Variants in NCOR2 observed in about 807,000 individuals in gnomAD.
The protein encoded by NCOR2 is nuclear receptor corepressor 2.
In NCOR2, 81 loss-of-function variants were observed where a neutral mutation model predicts 262.9. The ratio of observed to expected loss-of-function variants is 0.31; its 90% CI spans 0.26 to 0.37. The LOEUF (loss-of-function observed/expected upper bound fraction) is 0.37. Among genes scored for constraint, NCOR2 ranks in the 10% least tolerant of loss-of-function variants. NCOR2 has a pLI of 1.00. For synonymous variants in NCOR2, 1,659 were observed against 1,559.3 expected, an observed-to-expected ratio of 1.06 and a Z score of -1.51; for missense variants, 3,385 against 3,621.4, an observed-to-expected ratio of 0.93 and a Z score of 1.68.
intron 3 of NCOR2, among the ~76,000 whole-genome samples, chr12:124,480,888 G>A (rs2047426357): frequency 6.7e-6 from 1 of 148,822 alleles, no homozygotes; most frequent in African/African-American, 2.5e-5. Flanking sequence ...ATGGGGGAGG[G>A]GCAAGGCCAC....
rs111596908 is a variant in NCOR2 at position 124,504,460 on chromosome 12, G to C, written c.-117-9092C>G. ...CGGGTGGGAATGTCAGATGTGCAGT[G>C]CAGCCACTGTGGAAAACAGTCACTA... On this transcript the variant is annotated intron_variant, in intron 1 of 46. Transcript: ENST00000404621. The surrounding 1 kb of genome is among the most constrained non-coding windows in gnomAD (Gnocchi z 4.5). Among the ~76,000 whole-genome samples, 3 of 152,162 alleles carry C rather than the reference G, an allele frequency of 2.0e-5. No individual in the cohort carries two copies. The highest frequency in any genetic ancestry group is 2.0e-4 in the Admixed American group (3 of 15,286).
exon 20 of NCOR2, chr12:124,372,086 T>A: frequency 3.7e-6 from 6 of 1,603,970 alleles, no homozygotes; most frequent in Non-Finnish European, 5.1e-6. Context: ...CTGGAGTCGC[T>A]GTCCTGGGGG....
At position 124,335,201 on chromosome 12, in the gene NCOR2, C is replaced by CGGGCT. The variant is rs1566356620; in HGVS notation, c.6340_6344dup (p.Leu2116AlafsTer115). 1 of 1,611,128 alleles carries CGGGCT rather than the reference C, an allele frequency of 6.2e-7. No homozygotes were observed. The highest frequency in any genetic ancestry group is 2.2e-5 in the East Asian group (1 of 44,874). On this transcript the variant is annotated frameshift_variant, in exon 40 of 47. Transcript: ENST00000405201. LOFTEE classifies it high-confidence loss of function. ...TGACCCCTGGGGCGGTCTGGAGCAGCGGGCTGGACGAGGGCTGGCTCTCAG... is the reference window on the plus strand; with the variant it reads ...TGACCCCTGGGGCGGTCTGGAGCAGCGGGCTGGGCTGGACGAGGGCTGGCTCTCAG...
At chr12:124,535,167 G>A (rs1369498442) in intron 1 of NCOR2, among the ~76,000 whole-genome samples, 1 of 152,180 alleles carries the variant, frequency 6.6e-6, no homozygotes, top group Admixed American at 6.5e-5. Flanking sequence ...CCCAACACCC[G>A]AACACCTGGG....
chr12:124,465,284 G>A (rs2046362031), intron 5 of NCOR2, among the ~76,000 whole-genome samples: 1 of 151,976 alleles, frequency 6.6e-6, no homozygotes, highest in African/African-American at 2.4e-5. Context: ...CAGAAAATAA[G>A]GGAGGGGATC....
chr12:124,329,483 A>C (rs1397445002), intron 44 of NCOR2, among the ~76,000 whole-genome samples: 1 of 151,912 alleles, frequency 6.6e-6, no homozygotes, highest in Non-Finnish European at 1.5e-5. Flanking sequence ...ACAAACAAAC[A>C]CAAAAAACAA....
In NCOR2 at chr12:124,483,519, C is replaced by T. The variant is rs1025522707; in HGVS notation, c.411+77G>A. 2.8e-6 allele frequency: 4 copies of T among 1,424,644 alleles called. No homozygotes were observed. Among genetic ancestry groups the T allele is most frequent in the Middle Eastern group, 2.5e-4 (1 of 3,924 alleles). The allele number at this position is 1,424,644 out of a possible 1,614,324, so 88.3% of individuals were successfully genotyped here. On this transcript the variant is annotated intron_variant, in intron 3 of 46. Transcript: ENST00000405201. This position sits in a 1 kb window ranked among gnomAD's most constrained non-coding sequence, Gnocchi z 6.3. ...GCTGCCCCCTCCCTGCACCCCTACCCACCACCTCCCACCCAGCCCAACCAG... is the reference window on the plus strand; with the variant it reads ...GCTGCCCCCTCCCTGCACCCCTACCTACCACCTCCCACCCAGCCCAACCAG...
In NCOR2 at chr12:124,330,700, CCTA is replaced by C. The variant is rs1417936792; in HGVS notation, c.6958+142_6958+144del. On this transcript the variant is annotated intron_variant, in intron 44 of 46. Coordinates refer to ENST00000405201, the Ensembl canonical transcript of NCOR2. ...GCCTGCCTGTTGTGTGACTCTGAAT[CCTA>C]CTGTGCGGTTAGTTCATCCCAGAAT... 7 of 846,090 alleles carry C rather than the reference CCTA, an allele frequency of 8.3e-6. No homozygotes were observed. In the East Asian group the frequency reaches 1.9e-4, roughly 23 times the overall value. The allele number at this position is 846,090 out of a possible 1,614,324, so 52.4% of individuals were successfully genotyped here. A position where few individuals can be genotyped will look rare whatever the true frequency, so the allele number is the denominator to read the frequency against.
At position 124,566,866 on chromosome 12, in the gene NCOR2, G is replaced by A. The variant is rs2052259760; in HGVS notation, c.-165+442C>T. On this transcript the variant is annotated intron_variant, in intron 1 of 32. Coordinates refer to the NCOR2 transcript ENST00000458234. The surrounding 1 kb of genome is among the most constrained non-coding windows in gnomAD (Gnocchi z 4.3). ...CCCTCCACAACAGCCAGGCCAGGGA[G>A]CTAGGGGTACCATCTCCAAGGGCTT... is the stretch of plus-strand genomic sequence containing the variant. Among the ~76,000 whole-genome samples, 1 of 152,202 alleles carries A rather than the reference G, an allele frequency of 6.6e-6. No individual in the cohort carries two copies. Among genetic ancestry groups the A allele is most frequent in the Non-Finnish European group, 1.5e-5 (1 of 68,016 alleles).
intron 13 of NCOR2, among the ~76,000 whole-genome samples, chr12:124,409,517 A>G (rs553703676): frequency 6.6e-6 from 1 of 152,334 alleles, no homozygotes; most frequent in South Asian, 2.1e-4. Context: ...ACCCTGGCTT[A>G]CATGTTTGCC....
exon 17 of NCOR2, chr12:124,385,757 G>A: frequency 6.2e-7 from 1 of 1,613,830 alleles, no homozygotes. Flanking sequence ...TCTTCAGCTT[G>A]TGCTGCTGCA....
At chr12:124,495,433 G>A (rs557310800), upstream of NCOR2, 4 of 1,256,384 alleles carry the variant, frequency 3.2e-6, no homozygotes, top group East Asian at 7.9e-5. This position sits in a 1 kb window ranked among gnomAD's most constrained non-coding sequence, Gnocchi z 4.4. Flanking sequence ...CCGTGCACAG[G>A]TCCCCGAGTC....
rs1219726245 is a variant in NCOR2, at chr12:124,432,312, CCA to C, written c.883-1527_883-1526del. The stretch of plus-strand genomic sequence containing the variant: ...GCAGACGGGGGCCCCTGAAGAAAAC[CCA>C]CAGACTTCCCCTGAGGACACGGTCA... On this transcript the variant is annotated intron_variant, in intron 8 of 46. Transcript: ENST00000405201. The surrounding 1 kb of genome is among the most constrained non-coding windows in gnomAD (Gnocchi z 5.1). Among the ~76,000 whole-genome samples the C allele has an allele frequency of 6.6e-6, 1 of 152,170 alleles. No homozygotes were observed. Among genetic ancestry groups the C allele is most frequent in the Middle Eastern group, 3.2e-3 (1 of 316 alleles).
At chr12:124,453,072 G>A (rs573364367) in intron 6 of NCOR2, among the ~76,000 whole-genome samples, 1 of 152,268 alleles carries the variant, frequency 6.6e-6, no homozygotes, top group South Asian at 2.1e-4. Flanking sequence ...AGAAGGGAGT[G>A]GGGGGAGGGA....
At chr12:124,470,709 T>C (rs967243221) in intron 4 of NCOR2, among the ~76,000 whole-genome samples, 1 of 152,196 alleles carries the variant, frequency 6.6e-6, no homozygotes, top group Non-Finnish European at 1.5e-5. Flanking sequence ...CTGTGGGTTG[T>C]TGAAATGGCT....
chr12:124,365,231 T>C (rs1372881634), intron 20 of NCOR2, among the ~76,000 whole-genome samples: 1 of 152,214 alleles, frequency 6.6e-6, no homozygotes, highest in Non-Finnish European at 1.5e-5. Flanking sequence ...GCAAAACTTC[T>C]GGGTGCCAGA....
intron 1 of NCOR2, among the ~76,000 whole-genome samples, chr12:124,488,278 T>C (rs892565869): frequency 1.4e-4 from 21 of 152,178 alleles, no homozygotes; most frequent in African/African-American, 4.3e-4. Flanking sequence ...GTGGAATCCA[T>C]GGGGACCCTG....
chr12:124,451,635 G>A (rs1376962483), intron 6 of NCOR2, among the ~76,000 whole-genome samples: 1 of 152,160 alleles, frequency 6.6e-6, no homozygotes, highest in Non-Finnish European at 1.5e-5. Flanking sequence ...CACACAGCAG[G>A]AGCCTCCCAG....
chr12:124,499,287 G>A (rs181668791), upstream of NCOR2, among the ~76,000 whole-genome samples: 6 of 152,226 alleles, frequency 3.9e-5, no homozygotes, highest in East Asian at 9.7e-4. Context: ...GCCCCATGTC[G>A]CCGCTGCGTC....
Sources: gnomAD v4.1 joint callset for allele counts (sites outside exome capture counted in the v4.1 genomes callset) on GRCh38, gnomAD v4.1.1 for gene constraint, Gnocchi (gnomAD v3.1) non-coding constraint, MANE v1.5 for transcripts, NCBI Gene and HGNC (gene_info 2026-07-23, HGNC 2026-07-21) for gene names.